VPS13B: variants seen among roughly 807,000 people sequenced by gnomAD.
VPS13B encodes the protein intermembrane lipid transfer protein VPS13B.
A neutral mutation model predicts 426.4 loss-of-function variants in VPS13B; 285 were observed. The ratio of observed to expected loss-of-function variants is 0.67; its 90% CI spans 0.61 to 0.74. The LOEUF (loss-of-function observed/expected upper bound fraction) is 0.74, where lower values mean the gene tolerates loss of function less well. Among genes scored for constraint, VPS13B ranks in the 30% least tolerant of loss-of-function variants. The pLI is 0.00. For synonymous variants in VPS13B, 1,676 were observed against 1,676.4 expected (o/e 1.00, Z 0.01); for missense variants, 4,537 against 4,782.6 (o/e 0.95, Z 1.51).
chr8:99,028,602 A>G (rs1382170980), intron 2 of VPS13B, among the ~76,000 whole-genome samples: 6 of 77,120 alleles, frequency 7.8e-5, no homozygotes, highest in East Asian at 4.9e-4. Context: ...CGGACGGGGC[A>G]GCTGGCCGGG....
intron 3 of VPS13B, among the ~76,000 whole-genome samples, chr8:99,053,285 C>A (rs191662501): frequency 1.3e-5 from 2 of 152,024 alleles, no homozygotes; most frequent in Non-Finnish European, 2.9e-5. Flanking sequence ...TGCTATCCCT[C>A]CCCGCTCCCC....
At chr8:99,097,580 G>A (rs574311382) in intron 4 of VPS13B, among the ~76,000 whole-genome samples, 1 of 152,128 alleles carries the variant, frequency 6.6e-6, no homozygotes, top group East Asian at 1.9e-4. Flanking sequence ...TCATGTCCAG[G>A]TGTGTGTGGC....
chr8:99,262,672 T>C (rs959005445), intron 17 of VPS13B, among the ~76,000 whole-genome samples: 3 of 152,214 alleles, frequency 2.0e-5, no homozygotes, highest in African/African-American at 7.2e-5. Flanking sequence ...TTACCTCTTT[T>C]CTCTTTCAGA....
At chr8:99,508,055 A>G in intron 28 of VPS13B, 2 of 1,347,588 alleles carry the variant, frequency 1.5e-6, no homozygotes, top group East Asian at 5.0e-5. Flanking sequence ...GTAATTTAAA[A>G]TCATAAAACT....
intron 43 of VPS13B, among the ~76,000 whole-genome samples, chr8:99,787,225 G>A (rs2130712009): frequency 6.6e-6 from 1 of 152,268 alleles, no homozygotes; most frequent in East Asian, 1.9e-4. Flanking sequence ...AAGAGGTCAA[G>A]ATATCTTAAA....
intron 56 of VPS13B, 43 bp downstream of exon 56, chr8:99,854,299 G>T (rs1816442152): frequency 2.5e-6 from 4 of 1,595,624 alleles, no homozygotes. Flanking sequence ...TAGAGCCCGG[G>T]TAGAAATGAC....
At chr8:99,831,387 A>T (rs528677683) in intron 51 of VPS13B, among the ~76,000 whole-genome samples, 45 of 152,180 alleles carry the variant, frequency 3.0e-4, no homozygotes, top group African/African-American at 1.1e-3. Flanking sequence ...GAGAGGTCTT[A>T]AGAGAACTTA....
intron 2 of VPS13B, among the ~76,000 whole-genome samples, chr8:99,034,816 G>C (rs1842671681): frequency 6.6e-6 from 1 of 152,076 alleles, no homozygotes; most frequent in South Asian, 2.1e-4. Context: ...AGGATTTGCC[G>C]AGCTCCTCAT....
At chr8:99,788,074 A>G (rs977145926) in intron 43 of VPS13B, among the ~76,000 whole-genome samples, 1 of 152,044 alleles carries the variant, frequency 6.6e-6, no homozygotes, top group African/African-American at 2.4e-5. Context: ...TTAAAACTAC[A>G]GGTCAGGCAT....
At chr8:99,310,127 A>T (rs1423682104) in intron 19 of VPS13B, among the ~76,000 whole-genome samples, 1 of 152,180 alleles carries the variant, frequency 6.6e-6, no homozygotes, top group African/African-American at 2.4e-5. Flanking sequence ...GTCATCTGAA[A>T]ACAGGGACAG....
chr8:99,353,062 A>G (rs892964550), intron 19 of VPS13B, among the ~76,000 whole-genome samples: 1 of 151,234 alleles, frequency 6.6e-6, no homozygotes, highest in African/African-American at 2.4e-5. Flanking sequence ...GCTCACTGCA[A>G]CCTCCGCCTC....
chr8:99,395,937 T>C (rs1296944064), intron 21 of VPS13B, among the ~76,000 whole-genome samples: 1 of 151,890 alleles, frequency 6.6e-6, no homozygotes, highest in African/African-American at 2.4e-5. Flanking sequence ...AGATGAAAAA[T>C]AAAATATCTG....
At chr8:99,360,188 T>TTCTTTCTTTCTC (rs1812459732) in intron 19 of VPS13B, among the ~76,000 whole-genome samples, 5 of 28,046 alleles carry the variant, frequency 1.8e-4, no homozygotes, top group East Asian at 1.5e-3. Flanking sequence ...CTTTCTTTCT[T>TTCTTTCTTTCTC]TCTCTCTCTC....
At chr8:99,745,969 G>T (rs973298500) in intron 39 of VPS13B, among the ~76,000 whole-genome samples, 2 of 152,062 alleles carry the variant, frequency 1.3e-5, no homozygotes, top group Middle Eastern at 3.4e-3. Context: ...TTTGAATAAG[G>T]ATCCCGCTGA....
At chr8:99,463,802 C>G (rs1379733923) in intron 23 of VPS13B, among the ~76,000 whole-genome samples, 2 of 152,142 alleles carry the variant, frequency 1.3e-5, no homozygotes, top group African/African-American at 4.8e-5. Flanking sequence ...AAGCAATTCT[C>G]CTGCCTCAGC....
intron 19 of VPS13B, among the ~76,000 whole-genome samples, chr8:99,357,099 A>G (rs528347041): frequency 2.2e-4 from 34 of 152,172 alleles, no homozygotes; most frequent in Non-Finnish European, 4.7e-4. Flanking sequence ...ACTACATTCA[A>G]TCTAATTGAT....
chr8:99,565,046 T>TTTAGGATACTCA (rs1825117132), intron 31 of VPS13B, among the ~76,000 whole-genome samples: 1 of 152,210 alleles, frequency 6.6e-6, no homozygotes, highest in African/African-American at 2.4e-5. Context: ...ATATGGATAC[T>TTTAGGATACTCA]AGTGCTTTAG....
intron 4 of VPS13B, 143 bp downstream of exon 4, chr8:99,096,575 G>A (rs1424973426): frequency 1.7e-6 from 2 of 1,164,246 alleles, no homozygotes; most frequent in Non-Finnish European, 2.4e-6. Flanking sequence ...GGCCAACATG[G>A]TGAAGCCATG....
rs143338869 is a variant in VPS13B, at chr8:99,058,014, A to C, written c.291+19448A>C. Among the ~76,000 whole-genome samples the C allele has an allele frequency of 3.1e-3, 471 of 152,340 alleles. 5 individuals carry two copies. The highest frequency in any genetic ancestry group is 0.029 in the Admixed American group (438 of 15,300). On this transcript the variant is annotated intron_variant, in intron 3 of 61. Transcript: ENST00000357162. ...ATAAACTTATGTGCAACTCATAAGA[A>C]AGAGACTGAAATTTTTTGTAATCTA...
Sources: allele counts gnomAD v4.1 joint callset (sites outside exome capture counted in the v4.1 genomes callset), GRCh38; gene constraint gnomAD v4.1.1; transcripts MANE v1.5; gene names NCBI Gene and HGNC (gene_info 2026-07-23, HGNC 2026-07-21).